CDH13: variants seen among roughly 807,000 people sequenced by gnomAD.
The protein encoded by CDH13 is cadherin 13.
CDH13 carries 24 observed loss-of-function variants against 63.8 expected under a neutral mutation model. That is an observed-to-expected ratio of 0.38 (90% CI 0.27 to 0.53). The LOEUF (loss-of-function observed/expected upper bound fraction) is 0.53. Among genes scored for constraint, CDH13 ranks in the 20% least tolerant of loss-of-function variants. CDH13 has a pLI of 0.85. For missense variants in CDH13, 1,049 were observed against 903.1 expected, an observed-to-expected ratio of 1.16 and a Z score of -2.07; for synonymous variants, 503 against 355.3, an observed-to-expected ratio of 1.42 and a Z score of -4.67.
chr16:82,828,726 A>C (rs1045992070), intron 1 of CDH13, among the ~76,000 whole-genome samples: 26 of 152,204 alleles, frequency 1.7e-4, no homozygotes, highest in Admixed American at 1.3e-4. Flanking sequence ...ACATTCAAAG[A>C]AAAAATAATA....
chr16:83,361,021 C>A (rs1057098423), intron 6 of CDH13, among the ~76,000 whole-genome samples: 1 of 152,200 alleles, frequency 6.6e-6, no homozygotes, highest in Admixed American at 6.5e-5. Context: ...AAACTGCTTT[C>A]CACAGTGCCT....
chr16:83,767,835 G>A (rs2150994546), intron 11 of CDH13, among the ~76,000 whole-genome samples: 1 of 152,254 alleles, frequency 6.6e-6, no homozygotes, highest in Non-Finnish European at 1.5e-5. Context: ...GTAGTTGCCA[G>A]GGGCTGGGAG....
At chr16:83,256,946 C>A (rs1906369713) in intron 5 of CDH13, among the ~76,000 whole-genome samples, 1 of 151,900 alleles carries the variant, frequency 6.6e-6, no homozygotes, top group Non-Finnish European at 1.5e-5. Flanking sequence ...TGTTGCTCGC[C>A]TGCTATATGT....
At chr16:83,121,904 C>A (rs920568459) in intron 3 of CDH13, among the ~76,000 whole-genome samples, 3 of 151,656 alleles carry the variant, frequency 2.0e-5, no homozygotes, top group African/African-American at 4.8e-5. Flanking sequence ...GCTTTCAGAG[C>A]CTTAGCTTAT....
At chr16:83,113,959 G>C (rs2035183223) in intron 3 of CDH13, among the ~76,000 whole-genome samples, 1 of 151,402 alleles carries the variant, frequency 6.6e-6, no homozygotes, top group Non-Finnish European at 1.5e-5. Flanking sequence ...TAGGCTTAAT[G>C]ACGGGGAGAA....
At chr16:82,768,950 C>G (rs897258703) in intron 1 of CDH13, among the ~76,000 whole-genome samples, 1 of 152,012 alleles carries the variant, frequency 6.6e-6, no homozygotes, top group African/African-American at 2.4e-5. Context: ...GGGCTGGGCA[C>G]AAATGTTCAA....
chr16:83,341,989 C>CCCCACACACACACACACACACA (rs767233245), intron 5 of CDH13, among the ~76,000 whole-genome samples: 4 of 138,072 alleles, frequency 2.9e-5, no homozygotes, highest in Non-Finnish European at 4.7e-5. Context: ...GTGTCCCCTG[C>CCCCACACACACACACACACACA]CACACACACA....
intron 8 of CDH13, among the ~76,000 whole-genome samples, chr16:83,661,372 A>G (rs773108190): frequency 1.4e-4 from 22 of 152,058 alleles, no homozygotes; most frequent in Non-Finnish European, 2.8e-4. Context: ...ACACCCAGCT[A>G]CTAGGGATGC....
intron 10 of CDH13, among the ~76,000 whole-genome samples, chr16:83,708,663 A>C (rs1907524365): frequency 6.6e-6 from 1 of 152,226 alleles, no homozygotes; most frequent in Non-Finnish European, 1.5e-5. Flanking sequence ...AGCTATGATT[A>C]GATGAAAGGT....
At chr16:83,432,565 C>T (rs975639337) in intron 6 of CDH13, among the ~76,000 whole-genome samples, 2 of 152,170 alleles carry the variant, frequency 1.3e-5, no homozygotes, top group Non-Finnish European at 2.9e-5. Context: ...GTGAAACGAG[C>T]TTCAAGAAAA....
chr16:82,913,690 G>T (rs1353454636), intron 2 of CDH13, among the ~76,000 whole-genome samples: 2 of 152,046 alleles, frequency 1.3e-5, no homozygotes, highest in Non-Finnish European at 2.9e-5. Flanking sequence ...TGGGGAGGAG[G>T]GACCACTGAG....
At chr16:83,380,817 G>A (rs1053554273) in intron 6 of CDH13, among the ~76,000 whole-genome samples, 1 of 149,930 alleles carries the variant, frequency 6.7e-6, no homozygotes, top group Non-Finnish European at 1.5e-5. Context: ...TTTCATTAGG[G>A]CACATTACCC....
chr16:83,324,629 C>T (rs925471980), intron 5 of CDH13, among the ~76,000 whole-genome samples: 23 of 152,196 alleles, frequency 1.5e-4, no homozygotes, highest in Non-Finnish European at 2.1e-4. Context: ...GAATATATCA[C>T]GTTTTGTTCA....
At chr16:83,432,674 C>T (rs1476628899) in intron 6 of CDH13, among the ~76,000 whole-genome samples, 2 of 152,172 alleles carry the variant, frequency 1.3e-5, no homozygotes, top group Non-Finnish European at 2.9e-5. Context: ...CTCTCAGGCT[C>T]ATGCAGATGT....
intron 1 of CDH13, among the ~76,000 whole-genome samples, chr16:82,778,394 A>G (rs1260763855): frequency 6.6e-6 from 1 of 152,006 alleles, no homozygotes; most frequent in African/African-American, 2.4e-5. Flanking sequence ...TTTATTACAG[A>G]GTTTTGGATG....
chr16:83,181,442 A>G (rs2038346134), intron 4 of CDH13, among the ~76,000 whole-genome samples: 1 of 152,250 alleles, frequency 6.6e-6, no homozygotes, highest in Non-Finnish European at 1.5e-5. Context: ...GGTTAATACC[A>G]GAAGTCCCGT....
At chr16:82,796,177 A>T (rs939177143) in intron 1 of CDH13, among the ~76,000 whole-genome samples, 1 of 152,146 alleles carries the variant, frequency 6.6e-6, no homozygotes, top group Non-Finnish European at 1.5e-5. Flanking sequence ...TAATACAGCC[A>T]GTAAATTGCA....
rs140710419 is a variant in CDH13, at chr16:83,150,766, G to C, written c.483+25265G>C. Among the ~76,000 whole-genome samples the C allele has an allele frequency of 1.8e-3, 271 of 152,338 alleles. 2 individuals carry two copies. Among genetic ancestry groups the C allele is most frequent in the African/African-American group, 6.3e-3 (261 of 41,576 alleles). On this transcript the variant is annotated intron_variant, in intron 4 of 13. Transcript: ENST00000567109. ...TAAGACAGATTTCCAAAACAGGACA[G>C]ATGCTTGATGAGGAATGCTTGAGCT...
intron 13 of CDH13, among the ~76,000 whole-genome samples, chr16:83,790,614 T>A (rs111309746): frequency 0.12 from 18,158 of 152,024 alleles, 1,719 homozygotes; most frequent in African/African-American, 0.27. Flanking sequence ...CGTGTTAGCC[T>A]GGATGGTCTC....
Sources: gnomAD v4.1 joint callset for allele counts (sites outside exome capture counted in the v4.1 genomes callset) on GRCh38, gnomAD v4.1.1 for gene constraint, MANE v1.5 for transcripts, NCBI Gene and HGNC (gene_info 2026-07-23, HGNC 2026-07-21) for gene names.